Variants in MYH11 observed in about 807,000 individuals in gnomAD.
MYH11 encodes the protein myosin-11.
Under a neutral mutation model 246.6 loss-of-function variants are expected in MYH11, and 80 were observed. The ratio of observed to expected loss-of-function variants is 0.32; its 90% CI spans 0.27 to 0.39. The LOEUF (loss-of-function observed/expected upper bound fraction) is 0.39. Ranked by LOEUF, MYH11 falls within the 10% of genes least tolerant of loss-of-function variation. The pLI is 1.00. For synonymous variants in MYH11, 1,071 were observed against 1,015.5 expected, an observed-to-expected ratio of 1.05 and a Z score of -1.04; for missense variants, 2,158 against 2,546.8, an observed-to-expected ratio of 0.85 and a Z score of 3.29.
intron 4 of MYH11, among the ~76,000 whole-genome samples, chr16:15,788,095 T>TTTTTTTTTTTTTTTTTTTTTTGTTTTTA (rs11273419): frequency 1.0e-5 from 1 of 99,488 alleles, no homozygotes. Context: ...TTTTTTTTTT[T>TTTTTTTTTTTTTTTTTTTTTTGTTTTTA]ACCAAGATGG....
rs767290755 is a variant in MYH11, at chr16:15,798,685, G to T, written c.505C>A (p.Arg169=). The part of the protein sequence containing the change: ...DTAYRSMLQD[R]EDQSILCTGE... ...GTGCATAGAATGGACTGGTCCTCCC[G>T]ATCTGCAAACAGAAAGAAGAAAAAA... Residue 169 remains arginine, a splice_region_variant and synonymous_variant, in exon 4 of 41, where the codon CGG becomes AGG. Transcript: ENST00000300036. The T allele has an allele frequency of 3.1e-6, 5 of 1,610,164 alleles. No individual in the cohort carries two copies. In the African/African-American group the frequency reaches 4.1e-5, roughly 13 times the overall value.
intron 10 of MYH11, 54 bp downstream of exon 10, chr16:15,763,742 C>CGGCG: frequency 1.6e-6 from 1 of 627,780 alleles, no homozygotes. Context: ...AATGTCACCT[C>CGGCG]CCCCACCCCC....
intron 3 of MYH11, among the ~76,000 whole-genome samples, chr16:15,801,049 T>C (rs2042873422): frequency 6.6e-6 from 1 of 150,540 alleles, no homozygotes; most frequent in Admixed American, 6.6e-5. Flanking sequence ...CCACTAAAAA[T>C]ACAAAAATTA....
intron 7 of MYH11, among the ~76,000 whole-genome samples, chr16:15,777,292 T>C (rs1395106869): frequency 2.0e-5 from 3 of 152,106 alleles, no homozygotes; most frequent in Non-Finnish European, 4.4e-5. Context: ...TGGATAATTT[T>C]TGTATTTTTA....
rs111247524 is a variant in MYH11, at chr16:15,823,366, G to C, written c.391C>G (p.Leu131Val). The C allele has an allele frequency of 5.0e-6, 8 of 1,614,062 alleles. No individual in the cohort carries two copies. The African/African-American group carries it at 1.1e-4, about 22-fold the overall frequency. ...FCVVVNPYKH[L>V]PIYSEKIVDM... ...ACGATCTTCTCCGAGTAGATGGGCA[G>C]GTGTTTATAGGGGTTGACCACCACG... Residue 131 changes from leucine (L) to valine (V), a missense_variant, in exon 3 of 41, where the codon CTG becomes GTG. Physicochemically the swap from Leu to Val is conservative, Grantham distance 32. This residue lies in a region of MYH11 where 34 missense variants were observed against 25.6 expected (regional missense o/e 1.33). Transcript: ENST00000300036.
At position 15,732,587 on chromosome 16, in the gene MYH11, C is replaced by T. The variant is rs2040998700; in HGVS notation, c.3628G>A (p.Glu1210Lys). The change falls in exon 27 of 41, where the codon GAG becomes AAG. Residue 1210 changes from glutamate to lysine, a missense_variant. Glu to Lys is a moderately conservative substitution (Grantham distance 56). Around this residue, in one of 11 missense-constraint regions of MYH11, gnomAD observed 1,013 missense variants for 993.5 expected, o/e 1.02. Coordinates refer to ENST00000300036, the MANE Select transcript of MYH11 (RefSeq NM_002474.3). The part of the protein sequence containing the change: ...KHAQAVEELT[E>K]QLEQFKRAKA... The stretch of plus-strand genomic sequence containing the variant: ...ACCCTCTTGAACTGCTCAAGCTGCT[C>T]TGTGAGCTCCTCCACCGCCTGTGCG... 1.2e-6 allele frequency: 2 copies of T among 1,614,264 alleles called. No individual in the cohort carries two copies. Among genetic ancestry groups the T allele is most frequent in the Non-Finnish European group, 1.7e-6 (2 of 1,180,046 alleles).
Position 15,817,316 on chromosome 16 carries a change from A to T in MYH11, c.502+5939T>A, listed in dbSNP as rs1171517355. The stretch of plus-strand genomic sequence containing the variant: ...AAACCAGCCTGGCCAACATGGCAAA[A>T]CCCCATCTCTACTAAAAATACAAAA... On this transcript the variant is annotated intron_variant, in intron 3 of 40. Transcript: ENST00000300036. 5.9e-5 allele frequency among the ~76,000 whole-genome samples: 9 copies of T among 152,110 alleles called. No individual in the cohort carries two copies. In the East Asian group the frequency reaches 1.7e-3, roughly 29 times the overall value.
intron 3 of MYH11, among the ~76,000 whole-genome samples, chr16:15,811,618 C>T (rs1372003995): frequency 6.6e-6 from 1 of 151,934 alleles, no homozygotes; most frequent in Admixed American, 6.6e-5. Context: ...CTCTCTGCCT[C>T]TACTGGGGAG....
At chr16:15,704,724 G>A (rs562472721) in intron 40 of MYH11, among the ~76,000 whole-genome samples, 1 of 152,348 alleles carries the variant, frequency 6.6e-6, no homozygotes, top group Admixed American at 6.5e-5. Context: ...CATGGACTGA[G>A]TTTTCCCCAC....
At chr16:15,802,379 G>A (rs908304328) in intron 3 of MYH11, among the ~76,000 whole-genome samples, 2 of 152,164 alleles carry the variant, frequency 1.3e-5, no homozygotes, top group African/African-American at 2.4e-5. Flanking sequence ...ACTTGCCCAA[G>A]GTCACTAGGG....
chr16:15,786,184 G>A (rs535984963), intron 5 of MYH11: 25 of 346,254 alleles, frequency 7.2e-5, no homozygotes, highest in Non-Finnish European at 1.3e-4. Context: ...GGGAACATCT[G>A]ACAATGTCTA....
chr16:15,741,410 G>A, intron 22 of MYH11, 53 bp downstream of exon 22: 1 of 1,579,832 alleles, frequency 6.3e-7, no homozygotes, highest in South Asian at 1.1e-5. Context: ...CAGGCCTGTG[G>A]TGAGGGTCAA....
At chr16:15,810,751 T>C (rs187393417) in intron 3 of MYH11, among the ~76,000 whole-genome samples, 265 of 152,264 alleles carry the variant, frequency 1.7e-3, no homozygotes, top group African/African-American at 6.0e-3. Flanking sequence ...ATCCAGACCT[T>C]TCAAGGGCAT....
At chr16:15,791,154 C>T (rs1248485786) in intron 4 of MYH11, 3 of 152,110 alleles carry the variant, frequency 2.0e-5, no homozygotes, top group African/African-American at 4.8e-5. Flanking sequence ...TGGGATTTCA[C>T]CATGTTGGCG....
intron 20 of MYH11, among the ~76,000 whole-genome samples, chr16:15,742,542 G>T (rs2041303420): frequency 1.3e-5 from 2 of 152,150 alleles, no homozygotes; most frequent in Non-Finnish European, 1.5e-5. Flanking sequence ...TTTGGGACCA[G>T]CCTGGGCAAC....
At chr16:15,848,338 A>G (rs572974199) in intron 1 of MYH11, among the ~76,000 whole-genome samples, 1 of 147,466 alleles carries the variant, frequency 6.8e-6, no homozygotes, top group South Asian at 2.1e-4. Flanking sequence ...GGTTCAAGTG[A>G]TTCTCGTGCC....
chr16:15,704,074 T>A lies in MYH11; in HGVS notation c.5836A>T (p.Arg1946Ter). Residue 1946 changes from arginine to a stop codon, truncating the protein, a stop_gained, in exon 41 of 41, where the codon AGA becomes TGA. Coordinates refer to ENST00000300036, the MANE Select transcript of MYH11 (RefSeq NM_002474.3). LOFTEE classifies it high-confidence loss of function. ...GAACCATCTGCATTTTCAATAACTCTACGTCCTCCAGACCTTCTAGAAGGA... is the reference window on the plus strand; with the variant it reads ...GAACCATCTGCATTTTCAATAACTCAACGTCCTCCAGACCTTCTAGAAGGA... ...FVPSRRSGGRRVIENADGSEE... is the reference protein window; with the variant it reads ...FVPSRRSGGR 6.2e-7 allele frequency: 1 copy of A among 1,614,184 alleles called. No homozygotes were observed. Among genetic ancestry groups the A allele is most frequent in the Non-Finnish European group, 8.5e-7 (1 of 1,180,036 alleles).
intron 4 of MYH11, 73 bp from the exon 5 acceptor site, chr16:15,786,805 G>A: frequency 1.5e-6 from 2 of 1,307,476 alleles, no homozygotes; most frequent in Non-Finnish European, 2.2e-6. Context: ...AGCCAGGCAG[G>A]ACAATAATGA....
chr16:15,713,203 A>G (rs1370182578), intron 40 of MYH11: 1 of 152,002 alleles, frequency 6.6e-6, no homozygotes, highest in African/African-American at 2.4e-5. Flanking sequence ...GGTCGGGTCC[A>G]ATGGAGGTGT....
Sources: allele counts gnomAD v4.1 joint callset (sites outside exome capture counted in the v4.1 genomes callset), GRCh38; gene constraint gnomAD v4.1.1; regional missense constraint gnomAD v4.1.1; transcripts MANE v1.5; gene names NCBI Gene and HGNC (gene_info 2026-07-23, HGNC 2026-07-21).